The following CNTLN variants were observed in gnomAD, a reference collection of about 807,000 sequenced individuals.
The protein encoded by CNTLN is centlein.
Under a neutral mutation model 180.0 loss-of-function variants are expected in CNTLN, and 212 were observed. The ratio of observed to expected loss-of-function variants is 1.18; its 90% confidence interval spans 1.05 to 1.32. CNTLN has a LOEUF of 1.32. CNTLN is among the 40% of genes most tolerant of loss of function. The pLI is 0.00. For missense variants in CNTLN, 2,095 were observed against 1,610.9 expected (o/e 1.30, Z -5.14); for synonymous variants, 722 against 563.1 (o/e 1.28, Z -3.99).
the CNTLN span, among the ~76,000 whole-genome samples, chr9:17,511,996 T>C: frequency 6.6e-6 from 1 of 152,232 alleles, no homozygotes; most frequent in Non-Finnish European, 1.5e-5. Flanking sequence ...GAGTGAGGTC[T>C]GTCACATAAA....
intron 2 of CNTLN, among the ~76,000 whole-genome samples, chr9:17,145,816 A>AT (rs1449890023): frequency 3.3e-5 from 5 of 151,778 alleles, no homozygotes; most frequent in South Asian, 2.1e-4. Context: ...ATTTTCAAGT[A>AT]TTTTTTTTCT....
chr9:17,323,877 C>T (rs979727417), intron 8 of CNTLN, among the ~76,000 whole-genome samples: 2 of 152,160 alleles, frequency 1.3e-5, no homozygotes, highest in Non-Finnish European at 2.9e-5. Context: ...ATGCCAAACT[C>T]GGCTACAGTT....
intron 18 of CNTLN, among the ~76,000 whole-genome samples, chr9:17,454,168 G>T (rs1032308979): frequency 1.5e-4 from 23 of 152,158 alleles, no homozygotes; most frequent in African/African-American, 4.8e-4. Flanking sequence ...TCTTACAGTC[G>T]CTTAGAGAGT....
the CNTLN span, among the ~76,000 whole-genome samples, chr9:17,521,191 C>A: frequency 1.4e-4 from 21 of 150,696 alleles, no homozygotes; most frequent in African/African-American, 5.1e-4. Flanking sequence ...GATTCCCAAA[C>A]CTTCAGGGTT....
intron 8 of CNTLN, among the ~76,000 whole-genome samples, chr9:17,328,256 A>G (rs1441190066): frequency 6.6e-6 from 1 of 152,162 alleles, no homozygotes; most frequent in Non-Finnish European, 1.5e-5. Flanking sequence ...ATCTTTCATA[A>G]TTTCTCTAGA....
intron 6 of CNTLN, among the ~76,000 whole-genome samples, chr9:17,281,986 C>T (rs868682262): frequency 3.9e-5 from 6 of 151,998 alleles, no homozygotes; most frequent in Admixed American, 3.3e-4. Flanking sequence ...TGTTTTGAGA[C>T]GAAGTCTCGC....
downstream of CNTLN, among the ~76,000 whole-genome samples, chr9:17,506,378 A>G (rs1280646235): frequency 6.6e-6 from 1 of 152,166 alleles, no homozygotes; most frequent in Non-Finnish European, 1.5e-5. Flanking sequence ...AAAATAAACA[A>G]TTCCCAAAAC....
intron 1 of CNTLN, among the ~76,000 whole-genome samples, chr9:17,135,659 G>C (rs1039609829): frequency 2.0e-5 from 3 of 152,102 alleles, no homozygotes; most frequent in Middle Eastern, 6.3e-3. Context: ...TCGCCTCCGC[G>C]CCCGGGTTTG....
At chr9:17,159,496 C>T (rs1251739296) in intron 2 of CNTLN, among the ~76,000 whole-genome samples, 1 of 152,162 alleles carries the variant, frequency 6.6e-6, no homozygotes, top group Admixed American at 6.5e-5. Context: ...AAGCTGGGGT[C>T]TCAATATGCT....
Position 17,466,103 on chromosome 9 carries a change from G to T in CNTLN, c.3654G>T (p.Glu1218Asp), listed in dbSNP as rs1393309550. ...QYEQMYQKSK[E>D]ELEKKDLKLT... is the part of the protein sequence containing the mutation. ...AACAGATGTATCAGAAATCTAAAGA[G>T]GAGTTAGAAAAAAAGGTATGCTTTT... Residue 1218 changes from glutamate to aspartate, a missense_variant, in exon 22 of 26, where the codon GAG (glutamate) becomes GAT (aspartate). Glu to Asp is a conservative substitution (Grantham distance 45). Coordinates refer to ENST00000380647, the MANE Select transcript of CNTLN (RefSeq NM_017738.4). The T allele has an allele frequency of 3.7e-6, 6 of 1,600,632 alleles. No individual in the cohort carries two copies. In the Admixed American group the frequency reaches 1.0e-4, roughly 27 times the overall value.
chr9:17,315,286 G>A (rs1381883302), intron 8 of CNTLN, among the ~76,000 whole-genome samples: 1 of 151,944 alleles, frequency 6.6e-6, no homozygotes, highest in African/African-American at 2.4e-5. Context: ...CATCTTTTCT[G>A]TCTTTATTTT....
chr9:17,493,992 A>G (rs77453904), intron 25 of CNTLN, among the ~76,000 whole-genome samples: 2,140 of 152,308 alleles, frequency 0.014, 64 homozygotes, highest in African/African-American at 0.049. Flanking sequence ...CTTTAATTCA[A>G]TATCTTCAAC....
rs1264167966 is a variant in CNTLN, at chr9:17,317,763, A to C, written c.1341+8511A>C. 2.6e-5 allele frequency among the ~76,000 whole-genome samples: 4 copies of C among 152,176 alleles called. No individual in the cohort carries two copies. In the South Asian group the frequency reaches 6.2e-4, roughly 24 times the overall value. ...ATTCTAAACAGAGAGAACAAATGCA[A>C]AGCTCATGAAGCAGGAGCTTGCCTA... On this transcript the variant is annotated intron_variant, in intron 8 of 25. Coordinates refer to ENST00000380647, the MANE Select transcript of CNTLN (RefSeq NM_017738.4).
intron 2 of CNTLN, among the ~76,000 whole-genome samples, chr9:17,179,223 G>A (rs1337765745): frequency 1.5e-5 from 2 of 132,256 alleles, no homozygotes; most frequent in African/African-American, 2.9e-5. Flanking sequence ...CAGCCTGGGC[G>A]ACAGAGCGAG....
chr9:17,400,435 C>T (rs541378082), intron 15 of CNTLN, among the ~76,000 whole-genome samples: 1 of 152,132 alleles, frequency 6.6e-6, no homozygotes, highest in Non-Finnish European at 1.5e-5. Flanking sequence ...CTGTGCCTGG[C>T]CAACTGTACC....
chr9:17,206,136 G>T (rs931110603), intron 2 of CNTLN, among the ~76,000 whole-genome samples: 1 of 152,120 alleles, frequency 6.6e-6, no homozygotes, highest in Non-Finnish European at 1.5e-5. Flanking sequence ...GGGCTACCTT[G>T]GAGAATCGTC....
chr9:17,461,312 A>T (rs151304013), intron 19 of CNTLN, among the ~76,000 whole-genome samples: 1 of 151,782 alleles, frequency 6.6e-6, no homozygotes, highest in Admixed American at 6.6e-5. Flanking sequence ...CAATTATTTG[A>T]TAAATTGACT....
At chr9:17,485,775 A>G (rs115086187) in intron 24 of CNTLN, among the ~76,000 whole-genome samples, 2 of 152,232 alleles carry the variant, frequency 1.3e-5, no homozygotes, top group African/African-American at 2.4e-5. Context: ...CAGAGCCACC[A>G]TGTTTTTTGA....
intron 18 of CNTLN, among the ~76,000 whole-genome samples, chr9:17,454,009 C>T (rs568852019): frequency 1.6e-4 from 24 of 152,130 alleles, no homozygotes; most frequent in Non-Finnish European, 2.8e-4. Flanking sequence ...TTGCATATAA[C>T]GTAATGTAAT....
Sources: allele counts gnomAD v4.1 joint callset (sites outside exome capture counted in the v4.1 genomes callset), GRCh38; gene constraint gnomAD v4.1.1; transcripts MANE v1.5; gene names NCBI Gene and HGNC (gene_info 2026-07-23, HGNC 2026-07-21).